The following NPAS3 variants were observed in gnomAD, a reference collection of about 807,000 sequenced individuals.
NPAS3 encodes neuronal PAS domain protein 3, also known as neuronal PAS domain-containing protein 3.
Under a neutral mutation model 73.1 loss-of-function variants are expected in NPAS3, and 14 were observed. The ratio of observed to expected loss-of-function variants is 0.19; its 90% CI spans 0.13 to 0.30. The LOEUF is 0.30. Among genes scored for constraint, NPAS3 ranks in the 10% least tolerant of loss-of-function variants. The probability of loss-of-function intolerance (pLI) is 1.00; values close to 1 mark genes in which losing one functional copy is unlikely to be tolerated. For missense variants in NPAS3, 1,096 were observed against 1,250.0 expected, an observed-to-expected ratio of 0.88 and a Z score of 1.86; for synonymous variants, 620 against 541.5, an observed-to-expected ratio of 1.14 and a Z score of -2.01.
At chr14:33,350,319 T>C (rs17100753) in intron 3 of NPAS3, among the ~76,000 whole-genome samples, 6,710 of 152,286 alleles carry the variant, frequency 0.044, 430 homozygotes, top group African/African-American at 0.14. Context: ...TGATAAAATA[T>C]GGATGTGTAG....
chr14:33,444,025 T>A (rs79829868), intron 4 of NPAS3, among the ~76,000 whole-genome samples: 1,527 of 152,336 alleles, frequency 0.01, 34 homozygotes, highest in African/African-American at 0.035. Context: ...ACTATTTAAT[T>A]TGGTACATTT....
At chr14:33,370,689 T>C (rs2046049046) in intron 4 of NPAS3, among the ~76,000 whole-genome samples, 1 of 152,070 alleles carries the variant, frequency 6.6e-6, no homozygotes, top group Non-Finnish European at 1.5e-5. Context: ...TTACCAGAGT[T>C]CAAGAAAATG....
At position 33,364,267 on chromosome 14, in the gene NPAS3, G is replaced by A. The variant is rs542877089; in HGVS notation, c.386-2919G>A. On this transcript the variant is annotated intron_variant, in intron 3 of 11. Transcript: ENST00000356141. ...ATAAACATAATAAGATTAACACGGA[G>A]AAACAAAATACCTGTGTTTGCAGTA... Among the ~76,000 whole-genome samples, 4 of 152,260 alleles carry A rather than the reference G, an allele frequency of 2.6e-5. No homozygotes were observed. In the South Asian group the frequency reaches 8.3e-4, roughly 32 times the overall value.
At chr14:33,096,875 T>C (rs1458820115) in intron 2 of NPAS3, among the ~76,000 whole-genome samples, 4 of 152,200 alleles carry the variant, frequency 2.6e-5, no homozygotes, top group Non-Finnish European at 5.9e-5. Flanking sequence ...CACTACTTGG[T>C]AATATTTTAA....
At chr14:33,484,868 C>T (rs1365496955) in intron 4 of NPAS3, among the ~76,000 whole-genome samples, 5 of 152,174 alleles carry the variant, frequency 3.3e-5, no homozygotes, top group Admixed American at 1.3e-4. Context: ...ATTGCAACCA[C>T]GCTTCACCTG....
At chr14:33,412,750 G>T (rs554327953) in intron 4 of NPAS3, among the ~76,000 whole-genome samples, 10 of 152,274 alleles carry the variant, frequency 6.6e-5, no homozygotes, top group African/African-American at 2.4e-4. Flanking sequence ...TACCTGTAGA[G>T]TGGGGATGTA....
At chr14:33,652,807 T>G (rs2059034486) in intron 5 of NPAS3, among the ~76,000 whole-genome samples, 1 of 152,250 alleles carries the variant, frequency 6.6e-6, no homozygotes, top group Non-Finnish European at 1.5e-5. Flanking sequence ...GGCCACCTTT[T>G]GTCCACTGCC....
chr14:33,661,166 G>C (rs2059296203), intron 5 of NPAS3, among the ~76,000 whole-genome samples: 1 of 151,588 alleles, frequency 6.6e-6, no homozygotes, highest in Non-Finnish European at 1.5e-5. Flanking sequence ...TAGGGATTAT[G>C]GCTTTGATGG....
At chr14:33,391,824 T>C (rs2047021065) in intron 4 of NPAS3, among the ~76,000 whole-genome samples, 1 of 152,180 alleles carries the variant, frequency 6.6e-6, no homozygotes, top group Non-Finnish European at 1.5e-5. Flanking sequence ...TTGGGTATAT[T>C]GATGACAGAC....
intron 4 of NPAS3, among the ~76,000 whole-genome samples, chr14:33,440,465 A>G (rs2049196287): frequency 6.6e-6 from 1 of 152,252 alleles, no homozygotes; most frequent in South Asian, 2.1e-4. Context: ...AGTATGATTC[A>G]GGGTAATGCC....
chr14:33,053,978 T>C (rs533450968), intron 1 of NPAS3, among the ~76,000 whole-genome samples: 1 of 152,322 alleles, frequency 6.6e-6, no homozygotes, highest in East Asian at 1.9e-4. Flanking sequence ...AAAATGACAC[T>C]GAACAGAGAT....
intron 5 of NPAS3, among the ~76,000 whole-genome samples, chr14:33,640,763 C>T (rs1170872660): frequency 6.6e-6 from 1 of 152,172 alleles, no homozygotes; most frequent in East Asian, 1.9e-4. Flanking sequence ...CTCCTGCTGT[C>T]TGGGAGTTGA....
intron 2 of NPAS3, among the ~76,000 whole-genome samples, chr14:33,186,255 C>G (rs2045971647): frequency 6.6e-6 from 1 of 152,260 alleles, no homozygotes; most frequent in Middle Eastern, 3.4e-3. Flanking sequence ...TCTGGTTGTG[C>G]CTGTGCACTT....
chr14:33,487,517 T>C (rs2051669422), intron 4 of NPAS3, among the ~76,000 whole-genome samples: 1 of 152,194 alleles, frequency 6.6e-6, no homozygotes, highest in Admixed American at 6.5e-5. Context: ...GAGGGAAATA[T>C]TTAAATATCT....
chr14:33,293,597 T>C (rs745978699), intron 3 of NPAS3, among the ~76,000 whole-genome samples: 2 of 152,148 alleles, frequency 1.3e-5, no homozygotes, highest in Non-Finnish European at 1.5e-5. Flanking sequence ...GAAAGCCTAA[T>C]ACAACGCTGA....
chr14:33,769,535 G>A (rs192931197), intron 7 of NPAS3, among the ~76,000 whole-genome samples: 23 of 152,226 alleles, frequency 1.5e-4, no homozygotes, highest in African/African-American at 5.5e-4. Flanking sequence ...TTCTCCTGCT[G>A]ACACCAATTG....
At chr14:33,206,869 C>A (rs970232684) in intron 2 of NPAS3, among the ~76,000 whole-genome samples, 5 of 152,128 alleles carry the variant, frequency 3.3e-5, no homozygotes, top group Admixed American at 6.6e-5. Context: ...CAAAGGGTAC[C>A]CACAGTTCCC....
At chr14:32,938,772 G>A (rs1228841280), upstream of NPAS3, among the ~76,000 whole-genome samples, 1 of 148,956 alleles carries the variant, frequency 6.7e-6, no homozygotes, top group African/African-American at 2.4e-5. Context: ...GCGCGGGGGT[G>A]AGAACCCGGA....
At chr14:33,321,354 G>A (rs1466290150) in intron 3 of NPAS3, among the ~76,000 whole-genome samples, 2 of 152,106 alleles carry the variant, frequency 1.3e-5, no homozygotes, top group Non-Finnish European at 2.9e-5. Context: ...GAAACAATGG[G>A]AAGTAGGGTG....
Sources: allele counts gnomAD v4.1 joint callset (sites outside exome capture counted in the v4.1 genomes callset), GRCh38; gene constraint gnomAD v4.1.1; transcripts MANE v1.5; gene names NCBI Gene and HGNC (gene_info 2026-07-23, HGNC 2026-07-21).